KIRREL3: variants seen among roughly 807,000 people sequenced by gnomAD.
KIRREL3 encodes kin of IRRE-like protein 3.
In KIRREL3, 36 loss-of-function variants were observed where a neutral mutation model predicts 89.7. The ratio of observed to expected loss-of-function variants is 0.40; its 90% confidence interval spans 0.31 to 0.53. The LOEUF is 0.53. KIRREL3 is among the 20% of genes least tolerant of loss of function. The probability of loss-of-function intolerance (pLI) is 0.49; values close to 1 mark genes in which losing one functional copy is unlikely to be tolerated. For synonymous variants in KIRREL3, 445 were observed against 441.4 expected (o/e 1.01, Z -0.10); for missense variants, 864 against 1,056.6 (o/e 0.82, Z 2.53).
At chr11:126,871,327 C>T (rs1016596971) in intron 1 of KIRREL3, among the ~76,000 whole-genome samples, 1 of 152,138 alleles carries the variant, frequency 6.6e-6, no homozygotes, top group African/African-American at 2.4e-5. Flanking sequence ...AGGAGGCCCT[C>T]AGCACAAATG....
In KIRREL3 at chr11:127,000,321, C is replaced by G. The variant is rs1238428977; in HGVS notation, c.55+134G>C. On this transcript the variant is annotated intron_variant, in intron 1 of 16. Coordinates refer to ENST00000525144, the MANE Select transcript of KIRREL3 (RefSeq NM_032531.4). This position sits in a 1 kb window ranked among gnomAD's most constrained non-coding sequence, Gnocchi z 7.1. Reference sequence around the variant, plus strand: ...CAAAGGCGAAGAGGCAATGCCAGAGCATCTCAGCCCGGCACCGAGAGACGC... The same window carrying G: ...CAAAGGCGAAGAGGCAATGCCAGAGGATCTCAGCCCGGCACCGAGAGACGC... 1 of 654,714 alleles carries G rather than the reference C, an allele frequency of 1.5e-6. No homozygotes were observed. The highest frequency in any genetic ancestry group is 1.8e-5 in the African/African-American group (1 of 54,092). 40.6% of individuals were successfully genotyped at this position (654,714 alleles called of 1,614,324 possible).
chr11:126,707,949 C>T (rs1365525324), intron 1 of KIRREL3, among the ~76,000 whole-genome samples: 1 of 151,962 alleles, frequency 6.6e-6, no homozygotes, highest in African/African-American at 2.4e-5. Context: ...TGCATTCATT[C>T]TCCTGCCTGT....
intron 1 of KIRREL3, among the ~76,000 whole-genome samples, chr11:126,863,402 C>CAT (rs1944774936): frequency 9.3e-5 from 11 of 118,412 alleles, no homozygotes; most frequent in Admixed American, 4.9e-4. Flanking sequence ...TGTGTGAGTG[C>CAT]GTGAGTGCGT....
At chr11:126,504,085 C>T (rs950221191) in intron 4 of KIRREL3, among the ~76,000 whole-genome samples, 1 of 152,168 alleles carries the variant, frequency 6.6e-6, no homozygotes, top group Admixed American at 6.6e-5. Flanking sequence ...AAACCACTCC[C>T]CAGAAATGTG....
In KIRREL3 at chr11:126,454,350, C is replaced by T. The variant is rs2134227450; in HGVS notation, c.848+1999G>A. On this transcript the variant is annotated intron_variant, in intron 7 of 16. Coordinates refer to ENST00000525144, the MANE Select transcript of KIRREL3 (RefSeq NM_032531.4). This position sits in a 1 kb window ranked among gnomAD's most constrained non-coding sequence, Gnocchi z 5.8. Reference sequence around the variant, plus strand: ...AGCCCTGCTGTCTGCCCAGCCTACCCATCACTAGGACCCCAGGTGACCAGA... The same window carrying T: ...AGCCCTGCTGTCTGCCCAGCCTACCTATCACTAGGACCCCAGGTGACCAGA... 6.6e-6 allele frequency among the ~76,000 whole-genome samples: 1 copy of T among 152,230 alleles called. No homozygotes were observed. Among genetic ancestry groups the T allele is most frequent in the Non-Finnish European group, 1.5e-5 (1 of 68,012 alleles).
At chr11:126,707,834 G>A (rs920643688) in intron 1 of KIRREL3, among the ~76,000 whole-genome samples, 4 of 69,634 alleles carry the variant, frequency 5.7e-5, no homozygotes, top group Non-Finnish European at 1.2e-4. Context: ...CTTGTGATGA[G>A]CTTTTTTTTT....
In KIRREL3 at chr11:126,687,726, A is replaced by G. The variant is rs1237348905; in HGVS notation, c.56-124814T>C. Among the ~76,000 whole-genome samples the G allele has an allele frequency of 1.3e-5, 2 of 152,224 alleles. No homozygotes were observed. The highest frequency in any genetic ancestry group is 2.9e-5 in the Non-Finnish European group (2 of 68,030). ...TTTGGATGCTGGGGATACAAAGATA[A>G]GTGCTCTGAGGCCCCTATTCTCAGA... On this transcript the variant is annotated intron_variant, in intron 1 of 16. Transcript: ENST00000525144. This position sits in a 1 kb window ranked among gnomAD's most constrained non-coding sequence, Gnocchi z 4.6.
intron 1 of KIRREL3, among the ~76,000 whole-genome samples, chr11:126,727,620 C>T (rs1948443966): frequency 6.6e-6 from 1 of 152,174 alleles, no homozygotes; most frequent in Non-Finnish European, 1.5e-5. Context: ...TCTGGCCCTC[C>T]CACCCTGGGT....
At chr11:126,798,481 A>G (rs1204307345) in intron 1 of KIRREL3, among the ~76,000 whole-genome samples, 1 of 152,192 alleles carries the variant, frequency 6.6e-6, no homozygotes, top group Non-Finnish European at 1.5e-5. Context: ...TTTCCATTTG[A>G]TGTTTCACTG....
At chr11:126,809,098 C>A (rs1293084953) in intron 1 of KIRREL3, among the ~76,000 whole-genome samples, 2 of 152,172 alleles carry the variant, frequency 1.3e-5, no homozygotes, top group African/African-American at 4.8e-5. Flanking sequence ...GTTCAGCAGT[C>A]ATGAGCAACC....
intron 2 of KIRREL3, among the ~76,000 whole-genome samples, chr11:126,533,571 C>T (rs935900100): frequency 2.0e-5 from 3 of 152,196 alleles, no homozygotes; most frequent in African/African-American, 4.8e-5. Flanking sequence ...AGAAGGTGAG[C>T]GCAGACCTGC....
At chr11:126,845,673 G>T (rs1274817681) in intron 1 of KIRREL3, among the ~76,000 whole-genome samples, 1 of 152,142 alleles carries the variant, frequency 6.6e-6, no homozygotes, top group Non-Finnish European at 1.5e-5. Flanking sequence ...CCAGCTTAGA[G>T]AATGGGTTAT....
rs1946570358 is a variant in KIRREL3 at position 126,906,055 on chromosome 11, C to T, written c.55+94400G>A. Reference sequence around the variant, plus strand: ...GTAGAACAAAATGCCAGGCCGACTTCAAGGCCGGGAGGTGTGCAGAGCCCC... The same window carrying T: ...GTAGAACAAAATGCCAGGCCGACTTTAAGGCCGGGAGGTGTGCAGAGCCCC... On this transcript the variant is annotated intron_variant, in intron 1 of 16. Coordinates refer to ENST00000525144, the MANE Select transcript of KIRREL3 (RefSeq NM_032531.4). This position sits in a 1 kb window ranked among gnomAD's most constrained non-coding sequence, Gnocchi z 4.1. 1.3e-5 allele frequency among the ~76,000 whole-genome samples: 2 copies of T among 152,192 alleles called. No homozygotes were observed. Among genetic ancestry groups the T allele is most frequent in the Non-Finnish European group, 2.9e-5 (2 of 68,034 alleles).
Position 126,566,697 on chromosome 11 carries a change from A to G in KIRREL3, c.56-3785T>C, listed in dbSNP as rs1940547516. ...AATGGGATGGGTTTTCTTCCATTTCAGAGGGTGCAGATGGGATGTTTTCTA... is the reference window on the plus strand; with the variant it reads ...AATGGGATGGGTTTTCTTCCATTTCGGAGGGTGCAGATGGGATGTTTTCTA... On this transcript the variant is annotated intron_variant, in intron 1 of 16. Transcript: ENST00000525144. The surrounding 1 kb of genome is among the most constrained non-coding windows in gnomAD (Gnocchi z 4.9). Among the ~76,000 whole-genome samples the G allele has an allele frequency of 6.6e-6, 1 of 152,174 alleles. No individual in the cohort carries two copies. Among genetic ancestry groups the G allele is most frequent in the African/African-American group, 2.4e-5 (1 of 41,448 alleles).
At chr11:126,758,090 G>T (rs1165295135) in intron 1 of KIRREL3, among the ~76,000 whole-genome samples, 1 of 152,196 alleles carries the variant, frequency 6.6e-6, no homozygotes, top group African/African-American at 2.4e-5. Context: ...GCACACCAGA[G>T]TTCCTGCTGT....
At chr11:126,467,192 C>T (rs1956752574) in intron 5 of KIRREL3, among the ~76,000 whole-genome samples, 1 of 152,226 alleles carries the variant, frequency 6.6e-6, no homozygotes, top group African/African-American at 2.4e-5. Flanking sequence ...CTGCGGGGCC[C>T]CAGGTTCTCT....
rs528549846 is a variant in KIRREL3 at position 126,890,830 on chromosome 11, G to A, written c.55+109625C>T. Reference sequence around the variant, plus strand: ...CTGCCCCAGCATCCTCCCAACCACTGTCCTCAGCATTGTTTCAATAGGAGT... The same window carrying A: ...CTGCCCCAGCATCCTCCCAACCACTATCCTCAGCATTGTTTCAATAGGAGT... On this transcript the variant is annotated intron_variant, in intron 1 of 16. Transcript: ENST00000525144. This position sits in a 1 kb window ranked among gnomAD's most constrained non-coding sequence, Gnocchi z 5.1. Among the ~76,000 whole-genome samples the A allele has an allele frequency of 6.6e-6, 1 of 152,270 alleles. No homozygotes were observed. Among genetic ancestry groups the A allele is most frequent in the Admixed American group, 6.5e-5 (1 of 15,292 alleles).
At position 126,490,368 on chromosome 11, in the gene KIRREL3, G is replaced by T. The variant is rs1221840887; in HGVS notation, c.434-16902C>A. Among the ~76,000 whole-genome samples, 1 of 152,048 alleles carries T rather than the reference G, an allele frequency of 6.6e-6. No individual in the cohort carries two copies. Among genetic ancestry groups the T allele is most frequent in the East Asian group, 1.9e-4 (1 of 5,180 alleles). On this transcript the variant is annotated intron_variant, in intron 4 of 16. Coordinates refer to ENST00000525144, the MANE Select transcript of KIRREL3 (RefSeq NM_032531.4). The surrounding 1 kb of genome is among the most constrained non-coding windows in gnomAD (Gnocchi z 4.2). ...CTTTCTCCCCATGAAGTATTCTTCAGCCTGGCCCTGTCCGTGAGCCAGGTT... is the reference window on the plus strand; with the variant it reads ...CTTTCTCCCCATGAAGTATTCTTCATCCTGGCCCTGTCCGTGAGCCAGGTT...
rs1000480028 is a variant in KIRREL3, at chr11:126,892,800, G to A, written c.55+107655C>T. Among the ~76,000 whole-genome samples the A allele has an allele frequency of 6.6e-6, 1 of 152,124 alleles. No individual in the cohort carries two copies. Among genetic ancestry groups the A allele is most frequent in the Non-Finnish European group, 1.5e-5 (1 of 68,024 alleles). ...GGTCTGGCTTCATTGACATTTCCAC[G>A]GTAGTGCATACAGCCCTCGAGACCT... On this transcript the variant is annotated intron_variant, in intron 1 of 16. Transcript: ENST00000525144. This position sits in a 1 kb window ranked among gnomAD's most constrained non-coding sequence, Gnocchi z 5.4.
Sources: gnomAD v4.1 joint callset for allele counts (sites outside exome capture counted in the v4.1 genomes callset) on GRCh38, gnomAD v4.1.1 for gene constraint, Gnocchi (gnomAD v3.1) non-coding constraint, MANE v1.5 for transcripts, NCBI Gene and HGNC (gene_info 2026-07-23, HGNC 2026-07-21) for gene names.